EIF4G3: variants seen among roughly 807,000 people sequenced by gnomAD.
The protein encoded by EIF4G3 is eukaryotic translation initiation factor 4 gamma 3, also known as eIF-4-gamma 3.
EIF4G3 carries 34 observed loss-of-function variants against 186.4 expected under a neutral mutation model. The observed-to-expected ratio is 0.18, with a 90% CI of 0.14 to 0.24. EIF4G3 has a LOEUF of 0.24. Ranked by LOEUF, EIF4G3 falls within the 10% of genes least tolerant of loss-of-function variation. The probability of loss-of-function intolerance (pLI) is 1.00; values close to 1 mark genes in which losing one functional copy is unlikely to be tolerated. For synonymous variants in EIF4G3, 673 were observed against 679.5 expected, an observed-to-expected ratio of 0.99 and a Z score of 0.15; for missense variants, 1,536 against 1,948.5, an observed-to-expected ratio of 0.79 and a Z score of 3.99.
intron 22 of EIF4G3, among the ~76,000 whole-genome samples, chr1:20,863,862 G>A (rs951043829): frequency 1.3e-5 from 2 of 152,050 alleles, no homozygotes; most frequent in African/African-American, 4.8e-5. Flanking sequence ...AGGAGTCACA[G>A]AATGTTAAGC....
chr1:20,898,982 G>A (rs567218851), intron 16 of EIF4G3, among the ~76,000 whole-genome samples: 42 of 152,166 alleles, frequency 2.8e-4, no homozygotes, highest in African/African-American at 5.1e-4. Flanking sequence ...CGCCCGCCTC[G>A]GCCTCCCTAA....
At chr1:21,068,519 G>C (rs2095343040) in intron 3 of EIF4G3, among the ~76,000 whole-genome samples, 1 of 151,548 alleles carries the variant, frequency 6.6e-6, no homozygotes, top group Non-Finnish European at 1.5e-5. Flanking sequence ...ATAATATCAT[G>C]AATGTAAAGC....
Position 20,899,682 on chromosome 1 carries a change from C to G in EIF4G3, c.1999+15G>C, listed in dbSNP as rs1361249120. The G allele has an allele frequency of 8.1e-6, 13 of 1,613,318 alleles. No individual in the cohort carries two copies. The South Asian group carries it at 1.4e-4, about 18-fold the overall frequency. On this transcript the variant is annotated intron_variant, in intron 16 of 36. Transcript: ENST00000602326. ...AGGGATAAAGAGGTACATAGGAAGG[C>G]AGGTATAAACTTACCTGGTTTAAAT... is the stretch of plus-strand genomic sequence containing the variant.
At chr1:20,999,095 G>T (rs1218725962) in intron 6 of EIF4G3, among the ~76,000 whole-genome samples, 1 of 152,118 alleles carries the variant, frequency 6.6e-6, no homozygotes, top group Non-Finnish European at 1.5e-5. Context: ...CACAATGTAG[G>T]AGACAGCTGA....
chr1:20,851,245 C>A lies in EIF4G3; in HGVS notation c.3772+13G>T. On this transcript the variant is annotated intron_variant, in intron 28 of 36. Transcript: ENST00000602326. ...AAACCCAAATCTGCATCTGTTTAAG[C>A]CAAGTCTCTCACCTGACTCCCTTGT... The A allele has an allele frequency of 6.2e-7, 1 of 1,613,368 alleles. No individual in the cohort carries two copies. Among genetic ancestry groups the A allele is most frequent in the Non-Finnish European group, 8.5e-7 (1 of 1,179,558 alleles).
At chr1:21,157,775 A>G (rs1253691122) in intron 2 of EIF4G3, among the ~76,000 whole-genome samples, 1 of 152,140 alleles carries the variant, frequency 6.6e-6, no homozygotes, top group East Asian at 1.9e-4. Context: ...TTAATCTGTA[A>G]TATCAAAACA....
Position 20,807,040 on chromosome 1 carries a change from G to C in EIF4G3, c.*279C>G, listed in dbSNP as rs935390910. ...TTGCTAAACATTTTTTTAAGTATGA[G>C]TCCTTGTTTAAAAAGAAAAGATTAA... On this transcript the variant is annotated 3_prime_UTR_variant, in exon 37 of 37. Transcript: ENST00000602326. 4 of 208,872 alleles carry C rather than the reference G, an allele frequency of 1.9e-5. No individual in the cohort carries two copies. The highest frequency in any genetic ancestry group is 7.0e-5 in the African/African-American group (3 of 43,024). The allele number at this position is 208,872 out of a possible 1,614,324, so 12.9% of individuals were successfully genotyped here. A position where few individuals can be genotyped will look rare whatever the true frequency, so the allele number is the denominator to read the frequency against.
intron 2 of EIF4G3, among the ~76,000 whole-genome samples, chr1:21,110,870 G>C (rs746799761): frequency 1.3e-5 from 2 of 152,182 alleles, no homozygotes; most frequent in Non-Finnish European, 2.9e-5. Flanking sequence ...CCCAGACCCA[G>C]AGTAACTTTT....
intron 14 of EIF4G3, among the ~76,000 whole-genome samples, chr1:20,938,812 A>C (rs1362588323): frequency 1.3e-5 from 2 of 152,148 alleles, no homozygotes; most frequent in Non-Finnish European, 2.9e-5. Flanking sequence ...GAGGCTTTAT[A>C]ATTTACAAAC....
chr1:20,814,715 T>C (rs1262904612), intron 34 of EIF4G3, among the ~76,000 whole-genome samples: 1 of 122,150 alleles, frequency 8.2e-6, no homozygotes, highest in Non-Finnish European at 1.6e-5. Context: ...ACAAAAGCAT[T>C]TAAAAACTAA....
At position 20,829,271 on chromosome 1, in the gene EIF4G3, A is replaced by C; in HGVS notation, c.4063T>G (p.Phe1355Val). The change falls in exon 31 of 37, where the codon TTT becomes GTT. Residue 1355 changes from phenylalanine (F) to valine (V), a missense_variant and splice_region_variant. Around this residue, in one of 11 missense-constraint regions of EIF4G3, gnomAD observed 395 missense variants for 498.9 expected, o/e 0.79. Coordinates refer to ENST00000602326, the MANE Select transcript of EIF4G3 (RefSeq NM_001391906.1). Reference sequence around the variant, plus strand: ...TCTGCCAATTCCAAAGTTTCTGAAAAACTGAAAAGGAACAGGGGGTAAAAA... The same window carrying C: ...TCTGCCAATTCCAAAGTTTCTGAAACACTGAAAAGGAACAGGGGGTAAAAA... ...KLSKQDFFKGFSETLELADDM... is the reference protein window; with the variant it reads ...KLSKQDFFKGVSETLELADDM... 1 of 1,613,084 alleles carries C rather than the reference A, an allele frequency of 6.2e-7. No individual in the cohort carries two copies. Among genetic ancestry groups the C allele is most frequent in the Non-Finnish European group, 8.5e-7 (1 of 1,179,714 alleles).
At chr1:21,123,958 T>C (rs776960380) in intron 2 of EIF4G3, among the ~76,000 whole-genome samples, 4 of 152,134 alleles carry the variant, frequency 2.6e-5, no homozygotes, top group Non-Finnish European at 4.4e-5. Flanking sequence ...GTTTAAGATA[T>C]TCTTCAAATA....
intron 3 of EIF4G3, among the ~76,000 whole-genome samples, chr1:21,081,682 G>A (rs1473156115): frequency 2.0e-5 from 2 of 100,306 alleles, no homozygotes; most frequent in Admixed American, 3.0e-4. Context: ...TTGCTCTATT[G>A]CCCAAGCTGG....
intron 14 of EIF4G3, chr1:20,929,510 A>G (rs1168948212): frequency 1.3e-5 from 2 of 152,216 alleles, no homozygotes; most frequent in African/African-American, 4.8e-5. Flanking sequence ...TGGAAGATAA[A>G]TTCCTCAGGG....
At chr1:20,907,732 T>G (rs899287872) in intron 14 of EIF4G3, among the ~76,000 whole-genome samples, 6 of 152,176 alleles carry the variant, frequency 3.9e-5, no homozygotes, top group African/African-American at 1.2e-4. Flanking sequence ...CTCATCATTT[T>G]TTATGGCTGC....
rs371678710 is a variant in EIF4G3, at chr1:20,851,355, C to T, written c.3675G>A (p.Gln1225=). The change falls in exon 28 of 37, where the codon CAG becomes CAA. Residue 1225 remains glutamine, a synonymous_variant. Transcript: ENST00000602326. ...TCACGGTCTCCAGCATCTCTCTCCGCTGCTCTTCTTGAGACTGATTGTCTA... is the reference window on the plus strand; with the variant it reads ...TCACGGTCTCCAGCATCTCTCTCCGTTGCTCTTCTTGAGACTGATTGTCTA... ...DLLDNQSQEE[Q]RREMLETVKQ... 9.3e-6 allele frequency: 15 copies of T among 1,614,066 alleles called. No individual in the cohort carries two copies. Among genetic ancestry groups the T allele is most frequent in the Non-Finnish European group, 1.2e-5 (14 of 1,180,054 alleles).
intron 3 of EIF4G3, among the ~76,000 whole-genome samples, chr1:21,066,794 A>ATT (rs2095258652): frequency 6.6e-6 from 1 of 152,206 alleles, no homozygotes; most frequent in Admixed American, 6.5e-5. Flanking sequence ...AAAATAATTA[A>ATT]AACTCCATTT....
At chr1:20,816,461 G>T (rs2060944014) in intron 34 of EIF4G3, among the ~76,000 whole-genome samples, 1 of 112,070 alleles carries the variant, frequency 8.9e-6, no homozygotes, top group Non-Finnish European at 1.9e-5. Context: ...GGACCCCTCT[G>T]CCCGGCCAGT....
At chr1:21,081,310 G>C (rs961265313) in intron 3 of EIF4G3, among the ~76,000 whole-genome samples, 3 of 152,206 alleles carry the variant, frequency 2.0e-5, no homozygotes, top group African/African-American at 7.2e-5. Flanking sequence ...GTGCACACCT[G>C]TAGTCCCAGC....
Sources: allele counts gnomAD v4.1 joint callset (sites outside exome capture counted in the v4.1 genomes callset), GRCh38; gene constraint gnomAD v4.1.1; regional missense constraint gnomAD v4.1.1; transcripts MANE v1.5; gene names NCBI Gene and HGNC (gene_info 2026-07-23, HGNC 2026-07-21).